The following PARD3B variants were observed in gnomAD, a reference collection of about 807,000 sequenced individuals.
The protein encoded by PARD3B is par-3 family cell polarity regulator beta, also known as partitioning defective 3 homolog B.
PARD3B carries 103 observed loss-of-function variants against 130.2 expected under a neutral mutation model. That is an observed-to-expected ratio of 0.79 (90% CI 0.67 to 0.93). PARD3B has a LOEUF of 0.93. Ranked by LOEUF, PARD3B falls within the 40% of genes least tolerant of loss-of-function variation. PARD3B has a pLI of 0.00. For synonymous variants in PARD3B, 583 were observed against 553.2 expected, an observed-to-expected ratio of 1.05 and a Z score of -0.76; for missense variants, 1,609 against 1,499.2, an observed-to-expected ratio of 1.07 and a Z score of -1.21.
At chr2:205,529,921 T>C (rs979332376) in intron 21 of PARD3B, among the ~76,000 whole-genome samples, 30 of 152,250 alleles carry the variant, frequency 2.0e-4, no homozygotes, top group South Asian at 6.2e-4. Flanking sequence ...GGCTCTGGTG[T>C]GGACTTAGAG....
intron 10 of PARD3B, among the ~76,000 whole-genome samples, chr2:205,155,179 A>T (rs995511485): frequency 6.6e-6 from 1 of 152,162 alleles, no homozygotes; most frequent in Non-Finnish European, 1.5e-5. Flanking sequence ...TGGTTGGTTG[A>T]CACATTTACC....
intron 18 of PARD3B, among the ~76,000 whole-genome samples, chr2:205,350,554 C>T (rs2043961346): frequency 6.6e-6 from 1 of 152,202 alleles, no homozygotes; most frequent in Non-Finnish European, 1.5e-5. Context: ...GATTCTCCTC[C>T]ACTGCTGCTT....
intron 20 of PARD3B, among the ~76,000 whole-genome samples, chr2:205,462,950 C>G (rs940282143): frequency 1.3e-5 from 2 of 152,060 alleles, no homozygotes; most frequent in African/African-American, 4.8e-5. Flanking sequence ...AATTCTGTAC[C>G]CAGTTTTTAG....
At chr2:205,466,000 A>G (rs910269434) in intron 20 of PARD3B, among the ~76,000 whole-genome samples, 6 of 152,172 alleles carry the variant, frequency 3.9e-5, no homozygotes, top group Non-Finnish European at 8.8e-5. Context: ...AGAGAAGTGT[A>G]TTTCTACAGA....
chr2:205,608,401 G>A (rs1486593480), intron 22 of PARD3B, among the ~76,000 whole-genome samples: 1 of 152,208 alleles, frequency 6.6e-6, no homozygotes, highest in Non-Finnish European at 1.5e-5. Flanking sequence ...ATCAAGTTAG[G>A]ATGATTTGTT....
intron 2 of PARD3B, among the ~76,000 whole-genome samples, chr2:204,901,415 T>A (rs186453562): frequency 6.6e-6 from 1 of 152,126 alleles, no homozygotes; most frequent in Non-Finnish European, 1.5e-5. Flanking sequence ...ACTGCTGGTG[T>A]TCATTCAAGA....
chr2:205,420,034 G>A (rs531313413), intron 19 of PARD3B, among the ~76,000 whole-genome samples: 2 of 152,292 alleles, frequency 1.3e-5, no homozygotes, highest in African/African-American at 4.8e-5. Flanking sequence ...TCTCAATCAA[G>A]CAGAAAATTC....
At chr2:204,731,742 A>G (rs915943500) in intron 2 of PARD3B, among the ~76,000 whole-genome samples, 5 of 152,210 alleles carry the variant, frequency 3.3e-5, no homozygotes, top group African/African-American at 1.2e-4. Flanking sequence ...TTAAAATTGA[A>G]TAAAACTAAG....
At chr2:204,600,628 GAAATTTTT>G (rs58344287) in intron 1 of PARD3B, among the ~76,000 whole-genome samples, 11,564 of 151,622 alleles carry the variant, frequency 0.076, 1,309 homozygotes, top group African/African-American at 0.25. Context: ...TTGTCATAGG[GAAATTTTT>G]AAATTTTTAA....
In PARD3B at chr2:204,996,836, C is replaced by T. The variant is rs1221912688; in HGVS notation, c.394+31513C>T. Among the ~76,000 whole-genome samples, 130 of 146,716 alleles carry T rather than the reference C, an allele frequency of 8.9e-4. 1 individual carries two copies. The highest frequency in any genetic ancestry group is 3.1e-3 in the African/African-American group (124 of 39,776). Reference sequence around the variant, plus strand: ...AGCGCAATATTCGGGTGGGAGTGACCCGATTTTCCAGGTGCGTCCGTCACC... The same window carrying T: ...AGCGCAATATTCGGGTGGGAGTGACTCGATTTTCCAGGTGCGTCCGTCACC... On this transcript the variant is annotated intron_variant, in intron 3 of 22. Coordinates refer to ENST00000406610, the MANE Select transcript of PARD3B (RefSeq NM_001302769.2).
chr2:205,402,494 T>C (rs1470671950), intron 19 of PARD3B, among the ~76,000 whole-genome samples: 1 of 152,222 alleles, frequency 6.6e-6, no homozygotes, highest in African/African-American at 2.4e-5. Flanking sequence ...ATGCAGACTT[T>C]ACATTTTTTT....
intron 22 of PARD3B, among the ~76,000 whole-genome samples, chr2:205,578,089 A>G (rs1395983852): frequency 2.0e-5 from 3 of 152,150 alleles, no homozygotes; most frequent in Non-Finnish European, 4.4e-5. Context: ...GTCTCTCACC[A>G]GGGATATTCA....
At chr2:204,899,946 G>A (rs1483846880) in intron 2 of PARD3B, among the ~76,000 whole-genome samples, 1 of 150,018 alleles carries the variant, frequency 6.7e-6, no homozygotes. Context: ...ACTCTCTCCC[G>A]ACCTATCAGG....
At chr2:205,450,456 A>G (rs2048056734) in intron 20 of PARD3B, among the ~76,000 whole-genome samples, 1 of 149,298 alleles carries the variant, frequency 6.7e-6, no homozygotes, top group African/African-American at 2.5e-5. Context: ...AAAAAATTTA[A>G]GTGCAGATTC....
intron 1 of PARD3B, among the ~76,000 whole-genome samples, chr2:204,628,999 GT>G (rs2034584891): frequency 6.6e-6 from 1 of 152,150 alleles, no homozygotes; most frequent in Admixed American, 6.6e-5. Context: ...GTTAATACAT[GT>G]TATTTGGAAG....
In PARD3B at chr2:205,121,672, T is replaced by C. The variant is rs757022340; in HGVS notation, c.888T>C (p.Tyr296=). 1.2e-6 allele frequency: 2 copies of C among 1,614,200 alleles called. No individual in the cohort carries two copies. The highest frequency in any genetic ancestry group is 1.1e-5 in the South Asian group (1 of 91,090). Residue 296 remains tyrosine, a synonymous_variant, in exon 8 of 23, where the codon TAT becomes TAC. Coordinates refer to ENST00000406610, the MANE Select transcript of PARD3B (RefSeq NM_001302769.2). The surrounding 1 kb of genome is among the most constrained non-coding windows in gnomAD (Gnocchi z 5.0). ...TTCCTCCACAAAACCGTGAACAGTA[T>C]GAAAAGTCAGTCATTGGCTCTCTTA... ...HVLPPQNREQ[Y]EKSVIGSLNI...
intron 3 of PARD3B, among the ~76,000 whole-genome samples, chr2:204,999,866 G>A (rs939671000): frequency 2.0e-5 from 3 of 152,128 alleles, no homozygotes; most frequent in Non-Finnish European, 4.4e-5. Context: ...ATGCATTCAG[G>A]ACCAGAGAAA....
At chr2:205,512,221 T>A (rs538324712) in intron 21 of PARD3B, among the ~76,000 whole-genome samples, 5 of 152,238 alleles carry the variant, frequency 3.3e-5, no homozygotes, top group African/African-American at 1.2e-4. Flanking sequence ...TATTTCATTC[T>A]GAGCCTTGAA....
intron 2 of PARD3B, among the ~76,000 whole-genome samples, chr2:204,898,846 G>A (rs990340235): frequency 7.2e-5 from 11 of 152,080 alleles, no homozygotes; most frequent in South Asian, 2.1e-4. Context: ...TTCTCTTGCC[G>A]AATTGACCTC....
Sources: allele counts gnomAD v4.1 joint callset (sites outside exome capture counted in the v4.1 genomes callset), GRCh38; gene constraint gnomAD v4.1.1; non-coding constraint Gnocchi (gnomAD v3.1); transcripts MANE v1.5; gene names NCBI Gene and HGNC (gene_info 2026-07-23, HGNC 2026-07-21).